The following TNC variants were observed in gnomAD, a reference collection of about 807,000 sequenced individuals.
TNC encodes the protein tenascin C, also known as tenascin.
TNC carries 109 observed loss-of-function variants against 202.4 expected under a neutral mutation model. That is an observed-to-expected ratio of 0.54 (90% CI 0.46 to 0.63). TNC has a LOEUF of 0.63. Among genes scored for constraint, TNC ranks in the 30% least tolerant of loss-of-function variants. The probability of loss-of-function intolerance (pLI) is 0.00; values close to 1 mark genes in which losing one functional copy is unlikely to be tolerated. For synonymous variants in TNC, 1,007 were observed against 1,089.7 expected (o/e 0.92, Z 1.50); for missense variants, 2,756 against 2,833.3 (o/e 0.97, Z 0.62).
chr9:115,076,249 C>A, intron 8 of TNC, 128 bp from the exon 9 acceptor site: 1 of 1,388,364 alleles, frequency 7.2e-7, no homozygotes, highest in South Asian at 1.2e-5. Flanking sequence ...CAAAAGAACT[C>A]ACTGCAATCC....
chr9:115,058,950 C>A (rs902729538), intron 14 of TNC, among the ~76,000 whole-genome samples: 1 of 152,088 alleles, frequency 6.6e-6, no homozygotes, highest in African/African-American at 2.4e-5. Flanking sequence ...TGGGAGTTTG[C>A]CATCCAAAGG....
intron 7 of TNC, among the ~76,000 whole-genome samples, chr9:115,077,415 TC>T (rs1833957913): frequency 6.6e-6 from 1 of 151,666 alleles, no homozygotes; most frequent in Non-Finnish European, 1.5e-5. Context: ...ATGGTCTCCA[TC>T]TCTTGACCTC....
At position 115,087,091 on chromosome 9, in the gene TNC, C is replaced by T. The variant is rs748849934; in HGVS notation, c.640G>A (p.Glu214Lys). Residue 214 changes from glutamate to lysine, a missense_variant, in exon 3 of 28, where the codon GAG (glutamate) becomes AAG (lysine). Transcript: ENST00000350763. ...GGGCAAGCCAGCTGGCTGCAGTCCTCGCCCGTGAAGCCGTCGTCACAGATG... is the reference window on the plus strand; with the variant it reads ...GGGCAAGCCAGCTGGCTGCAGTCCTTGCCCGTGAAGCCGTCGTCACAGATG... ...QCICDDGFTG[E>K]DCSQLACPSD... 13 of 1,614,096 alleles carry T rather than the reference C, an allele frequency of 8.1e-6. No individual in the cohort carries two copies. In the South Asian group the frequency reaches 1.1e-4, roughly 14 times the overall value.
chr9:115,104,253 A>C (rs1836445438), intron 1 of TNC, among the ~76,000 whole-genome samples: 2 of 152,232 alleles, frequency 1.3e-5, no homozygotes, highest in African/African-American at 4.8e-5. Flanking sequence ...GAAGCATTGA[A>C]TAGTGAGTTC....
At chr9:115,021,507 C>G (rs896275337) in intron 27 of TNC, among the ~76,000 whole-genome samples, 1 of 152,108 alleles carries the variant, frequency 6.6e-6, no homozygotes, top group Non-Finnish European at 1.5e-5. Flanking sequence ...AGTCAAGAGT[C>G]GCCTGAGTTT....
intron 1 of TNC, among the ~76,000 whole-genome samples, chr9:115,109,794 T>C (rs1380706701): frequency 6.6e-6 from 1 of 152,248 alleles, no homozygotes; most frequent in African/African-American, 2.4e-5. Flanking sequence ...TCCTATCACA[T>C]GTTGTGTCAT....
At chr9:115,021,936 C>T (rs1015693023) in intron 27 of TNC, among the ~76,000 whole-genome samples, 11 of 152,118 alleles carry the variant, frequency 7.2e-5, no homozygotes, top group Non-Finnish European at 2.9e-5. Flanking sequence ...CTGGGCACGT[C>T]GTAGGTGCTT....
chr9:115,029,442 G>A lies in TNC; in HGVS notation c.6087C>T (p.Arg2029=), dbSNP rs1259126771. The A allele has an allele frequency of 6.2e-7, 1 of 1,614,084 alleles. No individual in the cohort carries two copies. The highest frequency in any genetic ancestry group is 8.5e-7 in the Non-Finnish European group (1 of 1,179,982). The change falls in exon 25 of 28, where the codon CGC becomes CGT. Residue 2029 remains arginine, a synonymous_variant. Coordinates refer to ENST00000350763, the MANE Select transcript of TNC (RefSeq NM_002160.4). ...GGTAGAAGTTCTCGCGTCCGTTTTT[G>A]CGTCTCAGGAACACCTATAAACATA... The part of the protein sequence containing the change: ...DGGGWIVFLR[R]KNGRENFYQN...
chr9:115,104,483 C>A (rs1222388474), intron 1 of TNC, among the ~76,000 whole-genome samples: 1 of 152,138 alleles, frequency 6.6e-6, no homozygotes, highest in African/African-American at 2.4e-5. Context: ...GAGACAGGGG[C>A]ATTGCCTTTA....
chr9:115,055,225 T>C (rs1361380941), intron 15 of TNC, among the ~76,000 whole-genome samples: 1 of 152,188 alleles, frequency 6.6e-6, no homozygotes, highest in African/African-American at 2.4e-5. Context: ...GCAAGTCAGG[T>C]TAACTTTATA....
intron 6 of TNC, among the ~76,000 whole-genome samples, chr9:115,080,159 A>G (rs1322922527): frequency 6.6e-6 from 1 of 152,230 alleles, no homozygotes; most frequent in Non-Finnish European, 1.5e-5. Context: ...TGATTATGCA[A>G]CTTCAAATGT....
intron 10 of TNC, among the ~76,000 whole-genome samples, chr9:115,065,266 G>GCAT (rs1327433927): frequency 2.0e-5 from 3 of 151,958 alleles, no homozygotes; most frequent in African/African-American, 7.2e-5. Flanking sequence ...CGTGTTGGTG[G>GCAT]GCACCTGTAA....
chr9:115,052,548 A>G (rs889174125), intron 15 of TNC, among the ~76,000 whole-genome samples: 1 of 152,326 alleles, frequency 6.6e-6, no homozygotes. Context: ...GGTTGATTCA[A>G]TCAATCCACA....
intron 15 of TNC, among the ~76,000 whole-genome samples, chr9:115,049,205 T>C (rs970148255): frequency 6.6e-6 from 1 of 152,204 alleles, no homozygotes; most frequent in African/African-American, 2.4e-5. Context: ...TAGTAAATTC[T>C]GTCACCATCT....
rs746085518 is a variant in TNC at position 115,035,341 on chromosome 9, A to G, written c.5657-7T>C. On this transcript the variant is annotated splice_polypyrimidine_tract_variant and splice_region_variant and intron_variant, in intron 21 of 27. Coordinates refer to ENST00000350763, the MANE Select transcript of TNC (RefSeq NM_002160.4). ...TCTCTTGGAGAATCGAGGTCTGGAGAAGACAGGATGATTAATATCGGATAA... is the reference window on the plus strand; with the variant it reads ...TCTCTTGGAGAATCGAGGTCTGGAGGAGACAGGATGATTAATATCGGATAA... 2.5e-6 allele frequency: 4 copies of G among 1,606,674 alleles called. No homozygotes were observed. The highest frequency in any genetic ancestry group is 3.4e-6 in the Non-Finnish European group (4 of 1,177,028).
intron 20 of TNC, 117 bp downstream of exon 20, chr9:115,038,144 C>T: frequency 1.4e-6 from 2 of 1,386,936 alleles, no homozygotes; most frequent in South Asian, 1.5e-5. Flanking sequence ...CCTTTTCAAC[C>T]TACCCATGCA....
chr9:115,033,276 GGA>G (rs1438657000), intron 22 of TNC, among the ~76,000 whole-genome samples: 2 of 152,116 alleles, frequency 1.3e-5, no homozygotes, highest in African/African-American at 4.8e-5. Context: ...AAGTAAACTG[GGA>G]TGAGTGCTCA....
At chr9:115,072,005 T>C (rs1178988182) in intron 10 of TNC, among the ~76,000 whole-genome samples, 1 of 152,234 alleles carries the variant, frequency 6.6e-6, no homozygotes, top group Non-Finnish European at 1.5e-5. Context: ...ATTGACCACG[T>C]AAACTCATTT....
chr9:115,056,384 A>G (rs941622180), intron 15 of TNC, among the ~76,000 whole-genome samples: 19 of 152,308 alleles, frequency 1.2e-4, no homozygotes, highest in Admixed American at 2.6e-4. Flanking sequence ...CTAAATTCAC[A>G]TAGGGTTGTC....
Sources: allele counts gnomAD v4.1 joint callset (sites outside exome capture counted in the v4.1 genomes callset), GRCh38; gene constraint gnomAD v4.1.1; transcripts MANE v1.5; gene names NCBI Gene and HGNC (gene_info 2026-07-23, HGNC 2026-07-21).